The following NEK11 variants were observed in gnomAD, a reference collection of about 807,000 sequenced individuals.
NEK11 encodes the protein serine/threonine-protein kinase Nek11.
NEK11 carries 72 observed loss-of-function variants against 80.7 expected under a neutral mutation model. The observed-to-expected ratio is 0.89, with a 90% CI of 0.74 to 1.08. The LOEUF is 1.08. Ranked by LOEUF, NEK11 falls within the 50% of genes least tolerant of loss-of-function variation. NEK11 has a pLI of 0.00. For missense variants in NEK11, 764 were observed against 763.6 expected (o/e 1.00, Z -0.01); for synonymous variants, 251 against 260.7 (o/e 0.96, Z 0.36).
chr3:131,144,230 C>T (rs2087637873), intron 7 of NEK11, among the ~76,000 whole-genome samples: 2 of 152,110 alleles, frequency 1.3e-5, no homozygotes, highest in South Asian at 2.1e-4. Flanking sequence ...TTCACAGACA[C>T]CTGATCCCAG....
intron 15 of NEK11, among the ~76,000 whole-genome samples, chr3:131,233,488 G>C (rs2095373504): frequency 6.6e-6 from 1 of 152,104 alleles, no homozygotes; most frequent in Non-Finnish European, 1.5e-5. Context: ...ATATATTCTA[G>C]ATGAACTGCA....
chr3:131,266,445 C>T (rs2096060175), intron 16 of NEK11, among the ~76,000 whole-genome samples: 1 of 152,056 alleles, frequency 6.6e-6, no homozygotes, highest in Non-Finnish European at 1.5e-5. Flanking sequence ...TTATTTATTT[C>T]CGCCTATTTC....
intron 14 of NEK11, among the ~76,000 whole-genome samples, chr3:131,211,021 G>T (rs1014832972): frequency 8.5e-5 from 13 of 152,278 alleles, no homozygotes; most frequent in African/African-American, 2.6e-4. Flanking sequence ...TCATTATGAT[G>T]TTAGCTGGTT....
chr3:131,108,444 A>AG (rs1267773586), intron 4 of NEK11, among the ~76,000 whole-genome samples: 1 of 152,204 alleles, frequency 6.6e-6, no homozygotes, highest in African/African-American at 2.4e-5. Flanking sequence ...GACTAAACAC[A>AG]GTTAACATTG....
intron 3 of NEK11, among the ~76,000 whole-genome samples, chr3:131,055,081 A>G (rs1435275637): frequency 6.6e-6 from 1 of 152,176 alleles, no homozygotes; most frequent in African/African-American, 2.4e-5. Context: ...GAGAGCCTTG[A>G]TGTCTTGCTG....
chr3:131,179,304 C>T (rs557064037), intron 14 of NEK11, among the ~76,000 whole-genome samples: 34 of 152,112 alleles, frequency 2.2e-4, no homozygotes, highest in Non-Finnish European at 1.3e-4. Context: ...TTACCCAGTC[C>T]GTGGTATTTT....
intron 7 of NEK11, among the ~76,000 whole-genome samples, chr3:131,143,233 C>T (rs1287643475): frequency 6.6e-6 from 1 of 152,124 alleles, no homozygotes; most frequent in Non-Finnish European, 1.5e-5. Flanking sequence ...CTTGCATTCA[C>T]CCTGCTTTTG....
Position 131,182,140 on chromosome 3 carries a change from GAA to G in NEK11, c.1399+11265_1399+11266del, listed in dbSNP as rs371262385. Among the ~76,000 whole-genome samples the G allele has an allele frequency of 2.3e-4, 28 of 121,646 alleles. 1 individual carries two copies. The South Asian group carries it at 5.1e-3, about 22-fold the overall frequency. The allele number at this position is 121,646 out of a possible 152,430, so 79.8% of individuals were successfully genotyped here. On this transcript the variant is annotated intron_variant, in intron 14 of 17. Coordinates refer to ENST00000383366, the MANE Select transcript of NEK11 (RefSeq NM_024800.5). ...TTTGAAGTGAAATAGCACATCTCCA[GAA>G]AAAAAAAAAAAGAAAAGAAAAAAGA...
At chr3:131,032,438 C>T (rs186318733) in intron 3 of NEK11, among the ~76,000 whole-genome samples, 263 of 152,382 alleles carry the variant, frequency 1.7e-3, no homozygotes, top group Non-Finnish European at 3.2e-3. Flanking sequence ...TAGCCACATT[C>T]CTACCTCTCC....
chr3:131,326,167 A>G (rs1013934796), intron 17 of NEK11: 5 of 152,208 alleles, frequency 3.3e-5, no homozygotes, highest in South Asian at 2.1e-4. Context: ...AATCACAAGA[A>G]TCCTTATGTA....
At chr3:131,139,085 C>G (rs771476076) in intron 7 of NEK11, among the ~76,000 whole-genome samples, 1 of 151,986 alleles carries the variant, frequency 6.6e-6, no homozygotes, top group East Asian at 1.9e-4. Context: ...ACCTTTCAGA[C>G]AGAGAATTCA....
At chr3:131,338,265 GGTTTTTTTTT>G (rs1408763955) in intron 17 of NEK11, among the ~76,000 whole-genome samples, 22 of 91,608 alleles carry the variant, frequency 2.4e-4, no homozygotes, top group Admixed American at 1.1e-3. Flanking sequence ...GCGCCCAGCT[GGTTTTTTTTT>G]TTTTTTTTTT....
In NEK11 at chr3:131,122,965, G is replaced by C. The variant is rs113881353; in HGVS notation, c.456-9780G>C. Among the ~76,000 whole-genome samples the C allele has an allele frequency of 2.6e-3, 390 of 152,228 alleles. 1 individual carries two copies. Among genetic ancestry groups the C allele is most frequent in the African/African-American group, 8.8e-3 (365 of 41,556 alleles). On this transcript the variant is annotated intron_variant, in intron 5 of 17. Coordinates refer to ENST00000383366, the MANE Select transcript of NEK11 (RefSeq NM_024800.5). ...AGGGACCCACCACTTGAACAGATAT[G>C]GTATGGTGCACTTGAGATAATAGAT...
At chr3:131,209,300 C>A (rs1481531887) in intron 14 of NEK11, among the ~76,000 whole-genome samples, 1 of 152,144 alleles carries the variant, frequency 6.6e-6, no homozygotes, top group Non-Finnish European at 1.5e-5. Context: ...ATATGTTGAA[C>A]CAGCCTTGCA....
chr3:131,203,767 G>GTGTGTATA (rs1560949416), intron 14 of NEK11, among the ~76,000 whole-genome samples: 1 of 54,198 alleles, frequency 1.8e-5, no homozygotes, highest in Non-Finnish European at 4.4e-5. Flanking sequence ...GTGTGTGTGT[G>GTGTGTATA]TATATATATA....
chr3:131,184,900 G>A (rs1309500141), intron 14 of NEK11: 2 of 300,340 alleles, frequency 6.7e-6, no homozygotes, highest in East Asian at 5.4e-5. Flanking sequence ...TTCTTCTGCA[G>A]TAACTATAGA....
intron 5 of NEK11, among the ~76,000 whole-genome samples, chr3:131,124,603 G>C (rs539400596): frequency 2.9e-4 from 44 of 152,190 alleles, no homozygotes; most frequent in African/African-American, 9.9e-4. Flanking sequence ...ATGGTTATTG[G>C]GTAGGCATTT....
At chr3:131,211,679 C>T (rs4296560) in intron 14 of NEK11, among the ~76,000 whole-genome samples, 123,735 of 152,044 alleles carry the variant, frequency 0.81, 50,485 homozygotes, top group East Asian at 0.97. Flanking sequence ...TTTTACTCTT[C>T]TTTCTCTAAA....
intron 14 of NEK11, among the ~76,000 whole-genome samples, chr3:131,208,066 C>T (rs1267461967): frequency 6.6e-6 from 1 of 152,110 alleles, no homozygotes. Flanking sequence ...ATGGTAATGC[C>T]TAGGTTTTCT....
Sources: gnomAD v4.1 joint callset for allele counts (sites outside exome capture counted in the v4.1 genomes callset) on GRCh38, gnomAD v4.1.1 for gene constraint, MANE v1.5 for transcripts, NCBI Gene and HGNC (gene_info 2026-07-23, HGNC 2026-07-21) for gene names.